The following STXBP5L variants were observed in gnomAD, a reference collection of about 807,000 sequenced individuals.
STXBP5L encodes syntaxin binding protein 5L.
A neutral mutation model predicts 144.5 loss-of-function variants in STXBP5L; 65 were observed. The observed-to-expected ratio is 0.45, with a 90% CI of 0.37 to 0.55. The LOEUF is 0.55. Ranked by LOEUF, STXBP5L falls within the 20% of genes least tolerant of loss-of-function variation. The pLI is 0.00. For synonymous variants in STXBP5L, 505 were observed against 469.6 expected (o/e 1.08, Z -0.97); for missense variants, 1,298 against 1,405.5 (o/e 0.92, Z 1.22).
intron 5 of STXBP5L, among the ~76,000 whole-genome samples, chr3:121,069,266 G>T (rs1006494702): frequency 1.2e-4 from 19 of 152,098 alleles, no homozygotes; most frequent in Non-Finnish European, 2.5e-4. Context: ...GTAACTTTTT[G>T]GGATTGTATT....
intron 9 of STXBP5L, among the ~76,000 whole-genome samples, chr3:121,199,756 A>ATT (rs1345427822): frequency 6.6e-6 from 1 of 152,004 alleles, no homozygotes; most frequent in African/African-American, 2.4e-5. Context: ...GGTTTTTGTC[A>ATT]TTCGATCTGT....
At chr3:121,212,614 T>C (rs1312748313) in intron 10 of STXBP5L, among the ~76,000 whole-genome samples, 1 of 152,178 alleles carries the variant, frequency 6.6e-6, no homozygotes, top group East Asian at 1.9e-4. Flanking sequence ...TTCGTTACTA[T>C]AGCCTTGCAG....
intron 9 of STXBP5L, among the ~76,000 whole-genome samples, chr3:121,178,950 T>C (rs1157350516): frequency 6.6e-6 from 1 of 152,010 alleles, no homozygotes; most frequent in Non-Finnish European, 1.5e-5. Context: ...AAACCCCCTT[T>C]AAAAGAATCT....
At chr3:121,164,141 C>T (rs544681321) in intron 9 of STXBP5L, among the ~76,000 whole-genome samples, 142 of 152,220 alleles carry the variant, frequency 9.3e-4, no homozygotes, top group Non-Finnish European at 1.8e-3. Context: ...TAGGAAATCA[C>T]TAATCTTTTT....
chr3:121,240,738 A>T (rs2049638042), intron 14 of STXBP5L, among the ~76,000 whole-genome samples: 1 of 152,196 alleles, frequency 6.6e-6, no homozygotes, highest in African/African-American at 2.4e-5. Flanking sequence ...AGAAGGTCAA[A>T]GTTGGGAAGT....
intron 19 of STXBP5L, among the ~76,000 whole-genome samples, 162 bp downstream of exon 19, chr3:121,280,118 T>A (rs1371795590): frequency 6.6e-6 from 1 of 151,852 alleles, no homozygotes; most frequent in East Asian, 1.9e-4. Context: ...GCAGAAACAT[T>A]GTGAGAATCT....
intron 5 of STXBP5L, among the ~76,000 whole-genome samples, chr3:121,082,931 G>T (rs1479504330): frequency 6.6e-6 from 1 of 152,194 alleles, no homozygotes; most frequent in Admixed American, 6.5e-5. Flanking sequence ...GGGCGTGGTG[G>T]CTCATGCCTG....
At chr3:121,068,215 G>T (rs2041638919) in intron 5 of STXBP5L, among the ~76,000 whole-genome samples, 1 of 152,014 alleles carries the variant, frequency 6.6e-6, no homozygotes, top group African/African-American at 2.4e-5. Flanking sequence ...TCACCATGTT[G>T]GCCATGATGG....
rs535907941 is a variant in STXBP5L at position 121,419,316 on chromosome 3, C to G, written c.*219C>G. The G allele has an allele frequency of 2.2e-5, 10 of 454,442 alleles. No homozygotes were observed. The East Asian group carries it at 3.6e-4, about 16-fold the overall frequency. The allele number at this position is 454,442 out of a possible 1,614,324, so 28.2% of individuals were successfully genotyped here. A position where few individuals can be genotyped will look rare whatever the true frequency, so the allele number is the denominator to read the frequency against. Reference sequence around the variant, plus strand: ...CAAAATACGGCTGAATTTGCCTTTTCCCATGTGGAATGGAGCTATCATCTT... The same window carrying G: ...CAAAATACGGCTGAATTTGCCTTTTGCCATGTGGAATGGAGCTATCATCTT... On this transcript the variant is annotated 3_prime_UTR_variant, in exon 27 of 27. Coordinates refer to ENST00000471454, the MANE Select transcript of STXBP5L (RefSeq NM_001308330.2).
intron 18 of STXBP5L, among the ~76,000 whole-genome samples, chr3:121,266,946 G>A (rs948546423): frequency 6.6e-6 from 1 of 152,114 alleles, no homozygotes; most frequent in African/African-American, 2.4e-5. Context: ...ACAAACCACT[G>A]CCCAAGGAAA....
chr3:121,001,697 A>G (rs529286842), intron 3 of STXBP5L, among the ~76,000 whole-genome samples: 1 of 152,304 alleles, frequency 6.6e-6, no homozygotes, highest in South Asian at 2.1e-4. Flanking sequence ...GCCAGGAATG[A>G]GTCCTAGTGC....
At position 121,141,617 on chromosome 3, in the gene STXBP5L, GACA is replaced by G. The variant is rs1382490630; in HGVS notation, c.670-10855_670-10853del. Among the ~76,000 whole-genome samples the G allele has an allele frequency of 2.6e-5, 4 of 152,224 alleles. No individual in the cohort carries two copies. The East Asian group carries it at 7.7e-4, about 29-fold the overall frequency. On this transcript the variant is annotated intron_variant, in intron 7 of 26. Transcript: ENST00000471454. ...CACCATATAAGTAGATGAAAATTGT[GACA>G]ACAATACTATAAAGTATGTGTTAGG...
At chr3:120,965,334 T>G (rs981377726) in intron 3 of STXBP5L, among the ~76,000 whole-genome samples, 1 of 152,218 alleles carries the variant, frequency 6.6e-6, no homozygotes, top group Non-Finnish European at 1.5e-5. Context: ...GTTCACTGGT[T>G]GTTTTGTCAG....
intron 12 of STXBP5L, among the ~76,000 whole-genome samples, chr3:121,234,061 C>G (rs1173200012): frequency 6.6e-6 from 1 of 152,110 alleles, no homozygotes; most frequent in Non-Finnish European, 1.5e-5. Flanking sequence ...GCAGACAACA[C>G]AGAAGACCAG....
At chr3:121,117,081 T>A (rs762576769) in intron 6 of STXBP5L, among the ~76,000 whole-genome samples, 17 of 151,910 alleles carry the variant, frequency 1.1e-4, no homozygotes, top group Admixed American at 3.3e-4. Context: ...CTACGTGAAC[T>A]AGTGACTTAT....
intron 5 of STXBP5L, chr3:121,049,688 C>A (rs1409179929): frequency 6.5e-6 from 1 of 154,088 alleles, no homozygotes; most frequent in Admixed American, 6.6e-5. Context: ...AGGCCTGTAG[C>A]ACCTTGCAGG....
chr3:121,286,387 G>C (rs1019609784), intron 19 of STXBP5L, among the ~76,000 whole-genome samples: 2 of 152,062 alleles, frequency 1.3e-5, no homozygotes, highest in Non-Finnish European at 2.9e-5. Context: ...AAAAATTATG[G>C]TAAACAATAA....
At chr3:121,246,036 CA>C (rs2049839917) in intron 14 of STXBP5L, among the ~76,000 whole-genome samples, 1 of 152,034 alleles carries the variant, frequency 6.6e-6, no homozygotes, top group Non-Finnish European at 1.5e-5. Context: ...TATGTTAGGC[CA>C]GGGGTCCACA....
chr3:120,937,420 A>T (rs1233947441), intron 2 of STXBP5L, among the ~76,000 whole-genome samples: 1 of 152,198 alleles, frequency 6.6e-6, no homozygotes, highest in Non-Finnish European at 1.5e-5. Flanking sequence ...AAACTTGTTC[A>T]CATTAAACCT....
Sources: gnomAD v4.1 joint callset for allele counts (sites outside exome capture counted in the v4.1 genomes callset) on GRCh38, gnomAD v4.1.1 for gene constraint, MANE v1.5 for transcripts, NCBI Gene and HGNC (gene_info 2026-07-23, HGNC 2026-07-21) for gene names.